The following NAA35 variants were observed in gnomAD, a reference collection of about 807,000 sequenced individuals.
NAA35 encodes N-alpha-acetyltransferase 35, NatC auxiliary subunit.
A neutral mutation model predicts 101.7 loss-of-function variants in NAA35; 18 were observed. The ratio of observed to expected loss-of-function variants is 0.18; its 90% CI spans 0.12 to 0.26. The LOEUF (loss-of-function observed/expected upper bound fraction) is 0.26, where lower values mean the gene tolerates loss of function less well. NAA35 is among the 10% of genes least tolerant of loss of function. The pLI is 1.00. For missense variants in NAA35, 601 were observed against 886.8 expected, an observed-to-expected ratio of 0.68 and a Z score of 4.09; for synonymous variants, 267 against 273.1, an observed-to-expected ratio of 0.98 and a Z score of 0.22.
chr9:85,969,481 A>G (rs1829905869), intron 6 of NAA35, among the ~76,000 whole-genome samples: 1 of 152,146 alleles, frequency 6.6e-6, no homozygotes, highest in South Asian at 2.1e-4. Context: ...ATACTACTCT[A>G]GCAATTCTTC....
intron 12 of NAA35, among the ~76,000 whole-genome samples, chr9:86,000,526 G>A (rs1831379556): frequency 6.6e-6 from 1 of 151,880 alleles, no homozygotes; most frequent in African/African-American, 2.4e-5. Flanking sequence ...ATCACGTCCT[G>A]GCCTTTTTTT....
At chr9:85,991,505 G>GCC (rs1223261436) in intron 11 of NAA35, among the ~76,000 whole-genome samples, 1 of 152,144 alleles carries the variant, frequency 6.6e-6, no homozygotes, top group African/African-American at 2.4e-5. Context: ...AGATGTCAAA[G>GCC]CCTAAGCAGG....
chr9:85,993,902 G>T (rs1392091089), intron 11 of NAA35, among the ~76,000 whole-genome samples: 1 of 151,966 alleles, frequency 6.6e-6, no homozygotes, highest in Non-Finnish European at 1.5e-5. Context: ...TCATCGTCCT[G>T]TACTCAAGCT....
At chr9:86,013,351 G>A (rs899858872) in intron 16 of NAA35, among the ~76,000 whole-genome samples, 4 of 152,002 alleles carry the variant, frequency 2.6e-5, no homozygotes, top group Non-Finnish European at 5.9e-5. Context: ...ATATTTCTTT[G>A]ATAATAGGAA....
Position 85,977,443 on chromosome 9 carries a change from A to G in NAA35, c.759A>G (p.Lys253=), listed in dbSNP as rs369295739. Reference sequence around the variant, plus strand: ...CAGTGCTTATAGCCTTTACTAAGAAAGAGGTAAGGGCATTCAATATAATAT... The same window carrying G: ...CAGTGCTTATAGCCTTTACTAAGAAGGAGGTAAGGGCATTCAATATAATAT... The part of the protein sequence containing the change: ...LLTVLIAFTK[K]ETSAVAEAQK... The change falls in exon 10 of 23, where the codon AAA becomes AAG. Residue 253 remains lysine, a synonymous_variant. Transcript: ENST00000361671. The G allele has an allele frequency of 1.3e-6, 2 of 1,597,866 alleles. No homozygotes were observed. Among genetic ancestry groups the G allele is most frequent in the Non-Finnish European group, 8.6e-7 (1 of 1,165,958 alleles).
chr9:86,001,169 T>G (rs1831403927), intron 12 of NAA35, among the ~76,000 whole-genome samples: 1 of 152,192 alleles, frequency 6.6e-6, no homozygotes, highest in African/African-American at 2.4e-5. Flanking sequence ...GGAGGATGTT[T>G]TTTAATTCAC....
chr9:85,980,413 T>C (rs944127830), intron 11 of NAA35, among the ~76,000 whole-genome samples: 1 of 151,868 alleles, frequency 6.6e-6, no homozygotes, highest in East Asian at 1.9e-4. Flanking sequence ...TTATCTGCCC[T>C]ACCCTGAAAC....
intron 6 of NAA35, among the ~76,000 whole-genome samples, chr9:85,962,721 T>G (rs1253676106): frequency 6.6e-6 from 1 of 152,188 alleles, no homozygotes; most frequent in Non-Finnish European, 1.5e-5. Flanking sequence ...TGTAGTACCA[T>G]TCATTGAATA....
At chr9:85,974,085 T>C (rs1189556582) in intron 6 of NAA35, among the ~76,000 whole-genome samples, 1 of 152,098 alleles carries the variant, frequency 6.6e-6, no homozygotes, top group Non-Finnish European at 1.5e-5. Flanking sequence ...GCCTCCCAAA[T>C]AGCTGGGATT....
At chr9:86,015,568 A>G (rs1832168626) in intron 17 of NAA35, 1 of 259,346 alleles carries the variant, frequency 3.9e-6, no homozygotes, top group Admixed American at 6.5e-5. Flanking sequence ...CTAGGGTGAG[A>G]CCGAATAATT....
rs1048453578 is a variant in NAA35, at chr9:85,942,326, G to A, written c.124+43G>A. 5 of 1,600,680 alleles carry A rather than the reference G, an allele frequency of 3.1e-6. No homozygotes were observed. The African/African-American group carries it at 6.7e-5, about 22-fold the overall frequency. The stretch of plus-strand genomic sequence containing the variant: ...ATTAGAAGTTCAGCATCTGGAAGGG[G>A]TAGAATGACGATTGTGCTTTCTAAA... On this transcript the variant is annotated intron_variant, in intron 2 of 22. Coordinates refer to ENST00000361671, the MANE Select transcript of NAA35 (RefSeq NM_024635.4).
At chr9:86,013,010 C>A in intron 15 of NAA35, 36 bp from the exon 16 acceptor site, 2 of 1,386,280 alleles carry the variant, frequency 1.4e-6, no homozygotes, top group Admixed American at 2.1e-5. Flanking sequence ...TAGGAAATTT[C>A]ATATTTACAG....
At chr9:85,955,344 ATATATATATATATATATT>A (rs1160593841) in intron 2 of NAA35, among the ~76,000 whole-genome samples, 1 of 67,350 alleles carries the variant, frequency 1.5e-5, no homozygotes, top group African/African-American at 7.9e-5. Context: ...ATATATATAT[ATATATATATATATATATT>A]TTTTTTTTTT....
chr9:85,949,925 G>A lies in NAA35; in HGVS notation c.125-6435G>A, dbSNP rs11141158. Among the ~76,000 whole-genome samples the A allele has an allele frequency of 6.6e-3, 1,009 of 152,134 alleles. 34 individuals are homozygous for A. In the East Asian group the frequency reaches 0.11, roughly 17 times the overall value. Reference sequence around the variant, plus strand: ...ATATGCAGAGTTGAAACAGTTTGGTGGTAATACTAAAAAGGTACTTGCCTT... The same window carrying A: ...ATATGCAGAGTTGAAACAGTTTGGTAGTAATACTAAAAAGGTACTTGCCTT... On this transcript the variant is annotated intron_variant, in intron 2 of 22. Coordinates refer to ENST00000361671, the MANE Select transcript of NAA35 (RefSeq NM_024635.4).
chr9:86,021,834 G>T, intron 22 of NAA35, 67 bp from the exon 23 acceptor site: 3 of 1,250,214 alleles, frequency 2.4e-6, no homozygotes, highest in East Asian at 5.1e-5. Flanking sequence ...AATAAAAATA[G>T]TCTTTGTTTT....
chr9:85,993,446 GGTGTGAGCCAC>G (rs541954525), intron 11 of NAA35, among the ~76,000 whole-genome samples: 88 of 152,300 alleles, frequency 5.8e-4, no homozygotes, highest in Admixed American at 5.4e-3. Flanking sequence ...TGCGATTACA[GGTGTGAGCCAC>G]CATGTCCGGC....
At chr9:86,014,030 A>G (rs1832080130) in intron 17 of NAA35, 133 bp downstream of exon 17, 1 of 645,718 alleles carries the variant, frequency 1.5e-6, no homozygotes, top group Admixed American at 3.3e-5. Context: ...AAAAATTTGA[A>G]AATTAGAGCT....
Position 85,942,216 on chromosome 9 carries a change from A to G in NAA35, c.57A>G (p.Pro19=), listed in dbSNP as rs1828553544. Residue 19 remains proline, a synonymous_variant, in exon 2 of 23, where the codon CCA becomes CCG. Transcript: ENST00000361671. The part of the protein sequence containing the change: ...DDDSGWELSM[P]EKMEKSNTNW... ...ATTCAGGATGGGAGCTCAGTATGCC[A>G]GAAAAAATGGAGAAAAGCAATACAA... 1.9e-6 allele frequency: 3 copies of G among 1,614,086 alleles called. No individual in the cohort carries two copies. Among genetic ancestry groups the G allele is most frequent in the African/African-American group, 1.3e-5 (1 of 74,936 alleles).
Position 86,018,712 on chromosome 9 carries a change from T to A in NAA35, c.1928T>A (p.Leu643His). Residue 643 changes from leucine to histidine, a missense_variant, in exon 21 of 23, where the codon CTC (leucine) becomes CAC (histidine). Transcript: ENST00000361671. ...CCTTCTTTTTAGGAAATGTCTGACC[T>A]CAATAAATATAGCCCTCCTCCTCAG... is the stretch of plus-strand genomic sequence containing the variant. ...HYLQFKEMSD[L>H]NKYSPPPQSP... 6.2e-7 allele frequency: 1 copy of A among 1,613,454 alleles called. No individual in the cohort carries two copies. Among genetic ancestry groups the A allele is most frequent in the Middle Eastern group, 1.7e-4 (1 of 6,058 alleles).
Sources: gnomAD v4.1 joint callset for allele counts (sites outside exome capture counted in the v4.1 genomes callset) on GRCh38, gnomAD v4.1.1 for gene constraint, MANE v1.5 for transcripts, NCBI Gene and HGNC (gene_info 2026-07-23, HGNC 2026-07-21) for gene names.